Variants in LRP1B observed in about 807,000 individuals in gnomAD.
The protein encoded by LRP1B is LDL receptor related protein 1B, also known as low-density lipoprotein receptor-related protein 1B.
A neutral mutation model predicts 556.6 loss-of-function variants in LRP1B; 217 were observed. The observed-to-expected ratio is 0.39, with a 90% CI of 0.35 to 0.44. The LOEUF is 0.44. LRP1B is among the 20% of genes least tolerant of loss of function. The pLI is 1.00. For synonymous variants in LRP1B, 2,047 were observed against 1,865.8 expected (o/e 1.10, Z -2.50); for missense variants, 5,053 against 5,620.8 (o/e 0.90, Z 3.23).
At chr2:141,433,264 C>T (rs1680633946) in intron 3 of LRP1B, among the ~76,000 whole-genome samples, 2 of 151,828 alleles carry the variant, frequency 1.3e-5, no homozygotes, top group Admixed American at 1.3e-4. Context: ...TGTATTATTT[C>T]ATTCCTTTTA....
chr2:142,032,042 C>G (rs913529479), intron 1 of LRP1B, among the ~76,000 whole-genome samples: 1 of 151,840 alleles, frequency 6.6e-6, no homozygotes, highest in Non-Finnish European at 1.5e-5. Flanking sequence ...ATGGCCCTGC[C>G]AACGCCTTGA....
intron 41 of LRP1B, among the ~76,000 whole-genome samples, chr2:140,630,843 C>G (rs1683856081): frequency 6.6e-6 from 1 of 152,148 alleles, no homozygotes; most frequent in Admixed American, 6.5e-5. Flanking sequence ...AGTGTCTCAC[C>G]TAAGGAGTTG....
chr2:141,829,459 G>A (rs1574406943), intron 1 of LRP1B, among the ~76,000 whole-genome samples: 1 of 152,044 alleles, frequency 6.6e-6, no homozygotes, highest in Non-Finnish European at 1.5e-5. Flanking sequence ...TTTGTGTCTA[G>A]CAGCATATTT....
rs561672499 is a variant in LRP1B at position 140,585,635 on chromosome 2, C to A, written c.7194+12996G>T. On this transcript the variant is annotated intron_variant, in intron 43 of 90. Transcript: ENST00000389484. ...TCAAGATCACACAGTTTTTTTGAAC[C>A]AGTCCAACACTGAAACAATGTTATC... 4.5e-4 allele frequency among the ~76,000 whole-genome samples: 68 copies of A among 152,120 alleles called. 5 individuals carry two copies. In the South Asian group the frequency reaches 0.014, roughly 31 times the overall value.
At chr2:141,174,130 T>A (rs1680631693) in intron 7 of LRP1B, among the ~76,000 whole-genome samples, 1 of 152,034 alleles carries the variant, frequency 6.6e-6, no homozygotes, top group Non-Finnish European at 1.5e-5. Context: ...AGTCCAAGAC[T>A]CCAAATCTGG....
chr2:140,434,173 G>C (rs911325784), intron 66 of LRP1B, among the ~76,000 whole-genome samples: 1 of 151,926 alleles, frequency 6.6e-6, no homozygotes, highest in Non-Finnish European at 1.5e-5. Context: ...GGGTTCAAAC[G>C]ATTCTCCTGC....
At chr2:140,844,228 A>G (rs1559152322) in intron 29 of LRP1B, among the ~76,000 whole-genome samples, 1 of 151,638 alleles carries the variant, frequency 6.6e-6, no homozygotes, top group East Asian at 1.9e-4. Flanking sequence ...CGCCCAGCTA[A>G]TTTTTTTGTA....
At chr2:141,182,978 T>C (rs1310119315) in intron 7 of LRP1B, among the ~76,000 whole-genome samples, 2 of 151,902 alleles carry the variant, frequency 1.3e-5, no homozygotes, top group Non-Finnish European at 2.9e-5. Context: ...GGTATATTTA[T>C]GGGGAGAAAA....
At chr2:140,514,289 T>C (rs967799939) in intron 51 of LRP1B, among the ~76,000 whole-genome samples, 2 of 151,922 alleles carry the variant, frequency 1.3e-5, no homozygotes, top group Non-Finnish European at 1.5e-5. Context: ...ATTAGTATAC[T>C]AATTTTGGAG....
intron 10 of LRP1B, 27 bp downstream of exon 10, chr2:141,055,089 G>A (rs2105455488): frequency 6.2e-7 from 1 of 1,609,912 alleles, no homozygotes; most frequent in South Asian, 1.1e-5. Context: ...GGTAGCTGCT[G>A]GCAAATGTTT....
At chr2:142,127,576 A>G (rs1034350777) in intron 1 of LRP1B, among the ~76,000 whole-genome samples, 2 of 151,962 alleles carry the variant, frequency 1.3e-5, no homozygotes, top group Non-Finnish European at 2.9e-5. Context: ...GAGCTTGAGA[A>G]GAGAGAAAGA....
At chr2:141,235,846 G>A (rs1480475152) in intron 5 of LRP1B, among the ~76,000 whole-genome samples, 1 of 152,106 alleles carries the variant, frequency 6.6e-6, no homozygotes, top group Admixed American at 6.6e-5. Flanking sequence ...TAGCTATTAA[G>A]TGAAAATAAC....
intron 2 of LRP1B, among the ~76,000 whole-genome samples, chr2:141,713,931 C>G (rs1048302937): frequency 4.6e-5 from 7 of 152,150 alleles, no homozygotes; most frequent in African/African-American, 1.7e-4. Context: ...TGTTGGCACC[C>G]AGATCTGCCA....
chr2:141,709,185 C>CA (rs112770950), intron 2 of LRP1B, among the ~76,000 whole-genome samples: 5 of 151,730 alleles, frequency 3.3e-5, no homozygotes, highest in African/African-American at 9.7e-5. Flanking sequence ...CCCGTCTCTA[C>CA]AAAAAATACA....
intron 2 of LRP1B, among the ~76,000 whole-genome samples, chr2:141,741,574 G>A (rs967222817): frequency 1.3e-5 from 2 of 151,926 alleles, no homozygotes; most frequent in Non-Finnish European, 2.9e-5. Context: ...TCATATTCCT[G>A]TTTGCCATTT....
chr2:140,500,814 C>T (rs902791734), intron 55 of LRP1B, among the ~76,000 whole-genome samples: 3 of 151,844 alleles, frequency 2.0e-5, no homozygotes, highest in African/African-American at 7.2e-5. Flanking sequence ...CATACATGTG[C>T]GCAGTACCCC....
chr2:141,394,572 A>G (rs1225285251), intron 3 of LRP1B, among the ~76,000 whole-genome samples: 1 of 152,252 alleles, frequency 6.6e-6, no homozygotes, highest in Non-Finnish European at 1.5e-5. Context: ...AGTGTCTACA[A>G]TGCAATAGTA....
rs917078536 is a variant in LRP1B at position 140,349,796 on chromosome 2, G to T, written c.11892+1001C>A. On this transcript the variant is annotated intron_variant, in intron 77 of 90. Transcript: ENST00000389484. ...TATTGTGTTTGAGGGAATAGGAATTGAACAATTCTGGTATACATGGATTTT... is the reference window on the plus strand; with the variant it reads ...TATTGTGTTTGAGGGAATAGGAATTTAACAATTCTGGTATACATGGATTTT... Among the ~76,000 whole-genome samples, 9 of 152,050 alleles carry T rather than the reference G, an allele frequency of 5.9e-5. No individual in the cohort carries two copies. In the South Asian group the frequency reaches 8.3e-4, roughly 14 times the overall value.
At chr2:141,916,091 A>G (rs79327482) in intron 1 of LRP1B, among the ~76,000 whole-genome samples, 2,710 of 152,286 alleles carry the variant, frequency 0.018, 75 homozygotes, top group African/African-American at 0.062. Flanking sequence ...TTCAACAAAA[A>G]TTGAATCATT....
Sources: allele counts gnomAD v4.1 joint callset (sites outside exome capture counted in the v4.1 genomes callset), GRCh38; gene constraint gnomAD v4.1.1; transcripts MANE v1.5; gene names NCBI Gene and HGNC (gene_info 2026-07-23, HGNC 2026-07-21).